Variants in ABLIM1 observed in about 807,000 individuals in gnomAD.
ABLIM1 encodes the protein actin-binding LIM protein 1.
In ABLIM1, 40 loss-of-function variants were observed where a neutral mutation model predicts 107.0. The observed-to-expected ratio is 0.37, with a 90% CI of 0.29 to 0.49. ABLIM1 has a LOEUF of 0.49. Ranked by LOEUF, ABLIM1 falls within the 20% of genes least tolerant of loss-of-function variation. The pLI is 0.97. For synonymous variants in ABLIM1, 357 were observed against 357.3 expected (o/e 1.00, Z 0.01); for missense variants, 857 against 1,008.5 (o/e 0.85, Z 2.04).
chr10:114,714,000 T>C (rs1009812267), intron 1 of ABLIM1, among the ~76,000 whole-genome samples: 3 of 152,186 alleles, frequency 2.0e-5, no homozygotes, highest in Non-Finnish European at 4.4e-5. Context: ...CACACCAACC[T>C]GGACTTGAAA....
intron 1 of ABLIM1, among the ~76,000 whole-genome samples, chr10:114,640,293 G>A (rs61867925): frequency 0.052 from 7,847 of 152,276 alleles, 374 homozygotes; most frequent in African/African-American, 0.12. Flanking sequence ...TTGGGAGGCC[G>A]AGGTGGGAGG....
chr10:114,556,510 GGC>G (rs775375477), intron 4 of ABLIM1, among the ~76,000 whole-genome samples: 1 of 152,138 alleles, frequency 6.6e-6, no homozygotes, highest in Non-Finnish European at 1.5e-5. Flanking sequence ...TTACTAGCCT[GGC>G]CTTCCTAGGA....
chr10:114,549,789 G>A (rs1176083106), intron 4 of ABLIM1, among the ~76,000 whole-genome samples: 1 of 152,114 alleles, frequency 6.6e-6, no homozygotes. Flanking sequence ...TCAAAAGAAC[G>A]AGGCAGATTT....
chr10:114,763,657 C>T (rs808296), intron 1 of ABLIM1, among the ~76,000 whole-genome samples: 109,369 of 152,044 alleles, frequency 0.72, 39,503 homozygotes, highest in African/African-American at 0.75. Context: ...GTGCTGGGAT[C>T]AGAGGCATGA....
intron 1 of ABLIM1, among the ~76,000 whole-genome samples, chr10:114,664,840 T>C (rs1000175811): frequency 9.9e-5 from 15 of 150,766 alleles, no homozygotes; most frequent in Non-Finnish European, 1.3e-4. Flanking sequence ...CACGGCCTAA[T>C]GTTTCTTTCA....
At chr10:114,765,986 T>C (rs1164669395) in intron 1 of ABLIM1, among the ~76,000 whole-genome samples, 1 of 152,208 alleles carries the variant, frequency 6.6e-6, no homozygotes, top group African/African-American at 2.4e-5. Context: ...AGCAAATCAA[T>C]GATTGTGATG....
At chr10:114,781,552 A>ATG in the ABLIM1 span, among the ~76,000 whole-genome samples, 103 of 149,102 alleles carry the variant, frequency 6.9e-4, no homozygotes, top group South Asian at 2.7e-3. Context: ...ATATCTATAT[A>ATG]TGTGTGTGTG....
At chr10:114,449,648 C>A (rs575423871) in intron 14 of ABLIM1, among the ~76,000 whole-genome samples, 1 of 152,270 alleles carries the variant, frequency 6.6e-6, no homozygotes, top group African/African-American at 2.4e-5. Context: ...CATGAGAAAA[C>A]CATTTCAGCT....
rs376143177 is a variant in ABLIM1, at chr10:114,646,282, C to T, written c.244+11675G>A. 1.4e-4 allele frequency among the ~76,000 whole-genome samples: 21 copies of T among 152,030 alleles called. 1 individual carries two copies. Among genetic ancestry groups the T allele is most frequent in the East Asian group, 9.6e-4 (5 of 5,188 alleles). ...TGCTTCATTGGCCATTAAATTTGCA[C>T]ACAGGAAAAAAAGCAACTAAGCCAC... On this transcript the variant is annotated intron_variant, in intron 1 of 22. Coordinates refer to ENST00000533213, the MANE Select transcript of ABLIM1 (RefSeq NM_002313.7).
At chr10:114,749,665 A>T (rs1259311174) in intron 1 of ABLIM1, among the ~76,000 whole-genome samples, 2 of 152,100 alleles carry the variant, frequency 1.3e-5, no homozygotes, top group African/African-American at 4.8e-5. Context: ...AAAGTCCTCA[A>T]GGTGGTTCAC....
chr10:114,610,015 A>G (rs926026890), intron 1 of ABLIM1, among the ~76,000 whole-genome samples: 5 of 152,232 alleles, frequency 3.3e-5, no homozygotes, highest in African/African-American at 4.8e-5. Flanking sequence ...TTTCCACAGG[A>G]AAAGATTATC....
intron 1 of ABLIM1, among the ~76,000 whole-genome samples, chr10:114,709,683 T>C (rs141844405): frequency 6.6e-6 from 1 of 152,344 alleles, no homozygotes; most frequent in African/African-American, 2.4e-5. Flanking sequence ...GTTATTGTCA[T>C]ATGAAAAGGC....
chr10:114,545,774 A>T (rs747535835), intron 5 of ABLIM1, among the ~76,000 whole-genome samples: 12 of 151,812 alleles, frequency 7.9e-5, no homozygotes, highest in African/African-American at 2.9e-4. Context: ...TAAAAAAAAT[A>T]CAAAAATTAG....
chr10:114,573,983 TA>T (rs2072088569), intron 3 of ABLIM1, among the ~76,000 whole-genome samples: 1 of 152,160 alleles, frequency 6.6e-6, no homozygotes, highest in South Asian at 2.1e-4. Flanking sequence ...AATTATGATT[TA>T]AAAAAATGAA....
At chr10:114,605,362 T>C (rs147889961) in intron 1 of ABLIM1, among the ~76,000 whole-genome samples, 3 of 152,344 alleles carry the variant, frequency 2.0e-5, no homozygotes, top group Non-Finnish European at 2.9e-5. Flanking sequence ...ATGACATTGA[T>C]TCTGCACTCC....
At chr10:114,462,124 G>A (rs1248808843) in intron 12 of ABLIM1, among the ~76,000 whole-genome samples, 3 of 152,136 alleles carry the variant, frequency 2.0e-5, no homozygotes, top group African/African-American at 7.2e-5. Flanking sequence ...GACTGACAAC[G>A]AAAATTCAGT....
Position 114,453,414 on chromosome 10 carries a change from G to A in ABLIM1, c.1511C>T (p.Thr504Ile). Reference sequence around the variant, plus strand: ...GAAATGTTTAGGGGCCTGAGCGTAAGTTGGAGTTAGAGGGCGGCTGTCTGG... The same window carrying A: ...GAAATGTTTAGGGGCCTGAGCGTAAATTGGAGTTAGAGGGCGGCTGTCTGG... ...YRPDSRPLTP[T>I]YAQAPKHFHV... Residue 504 changes from threonine (T) to isoleucine (I), a missense_variant, in exon 13 of 23, where the codon ACT becomes ATT. This residue lies in a region of ABLIM1 where 381 missense variants were observed against 506.9 expected (regional missense o/e 0.75). Transcript: ENST00000533213. 6.2e-7 allele frequency: 1 copy of A among 1,614,128 alleles called. No individual in the cohort carries two copies. Among genetic ancestry groups the A allele is most frequent in the South Asian group, 1.1e-5 (1 of 91,058 alleles).
intron 8 of ABLIM1, among the ~76,000 whole-genome samples, chr10:114,485,769 GAA>G (rs1296411282): frequency 1.3e-5 from 2 of 152,166 alleles, no homozygotes; most frequent in Non-Finnish European, 2.9e-5. Context: ...GTGGGTTGCT[GAA>G]AGATTCTTAA....
At chr10:114,539,707 C>A (rs2066428946) in intron 6 of ABLIM1, among the ~76,000 whole-genome samples, 1 of 152,092 alleles carries the variant, frequency 6.6e-6, no homozygotes, top group Non-Finnish European at 1.5e-5. Context: ...CCACCTGTAC[C>A]CTGGAAAGGA....
Sources: allele counts gnomAD v4.1 joint callset (sites outside exome capture counted in the v4.1 genomes callset), GRCh38; gene constraint gnomAD v4.1.1; regional missense constraint gnomAD v4.1.1; transcripts MANE v1.5; gene names NCBI Gene and HGNC (gene_info 2026-07-23, HGNC 2026-07-21).